Variants in LIMS1 observed in about 807,000 individuals in gnomAD.
LIMS1 encodes the protein LIM and senescent cell antigen-like-containing domain protein 1.
In LIMS1, 18 loss-of-function variants were observed where a neutral mutation model predicts 44.1. The observed-to-expected ratio is 0.41, with a 90% CI of 0.28 to 0.61. The LOEUF is 0.61. Among genes scored for constraint, LIMS1 ranks in the 20% least tolerant of loss-of-function variants. LIMS1 has a pLI of 0.32. For missense variants in LIMS1, 201 were observed against 422.0 expected, an observed-to-expected ratio of 0.48 and a Z score of 4.59; for synonymous variants, 93 against 149.1, an observed-to-expected ratio of 0.62 and a Z score of 2.74.
intron 1 of LIMS1, among the ~76,000 whole-genome samples, chr2:108,647,753 A>G (rs552868559): frequency 1.3e-5 from 2 of 152,368 alleles, no homozygotes; most frequent in East Asian, 1.9e-4. Context: ...GGCCTCGACA[A>G]AATTCAACAG....
chr2:108,606,719 A>G (rs1391746927), intron 1 of LIMS1, among the ~76,000 whole-genome samples: 12 of 152,204 alleles, frequency 7.9e-5, no homozygotes, highest in Non-Finnish European at 5.9e-5. Flanking sequence ...CAGAGGAGAA[A>G]ACAGCTTCCA....
exon 1 of LIMS1, chr2:108,534,418 C>G: frequency 4.3e-6 from 2 of 463,426 alleles, no homozygotes; most frequent in Non-Finnish European, 6.3e-6. Flanking sequence ...CCCTCCCGCG[C>G]CCCCGCGCGG....
chr2:108,587,406 C>G (rs1229820645), intron 1 of LIMS1, among the ~76,000 whole-genome samples: 1 of 150,126 alleles, frequency 6.7e-6, no homozygotes, highest in Non-Finnish European at 1.5e-5. Context: ...CCTATGTTGC[C>G]TAGTCTGGGC....
chr2:108,631,851 C>T (rs1386749642), intron 1 of LIMS1, among the ~76,000 whole-genome samples: 1 of 152,222 alleles, frequency 6.6e-6, no homozygotes, highest in South Asian at 2.1e-4. Context: ...TCTGTAAGTT[C>T]CCTCAGTAAA....
At chr2:108,564,825 TAA>T (rs925199168) in intron 1 of LIMS1, among the ~76,000 whole-genome samples, 5 of 141,552 alleles carry the variant, frequency 3.5e-5, no homozygotes, top group African/African-American at 5.2e-5. Flanking sequence ...GACAACACTG[TAA>T]AAAAAAAAAA....
At chr2:108,583,290 G>A (rs1049429983) in intron 1 of LIMS1, among the ~76,000 whole-genome samples, 1 of 151,648 alleles carries the variant, frequency 6.6e-6, no homozygotes, top group African/African-American at 2.4e-5. Context: ...TGATCTGCCC[G>A]CCTAGGCCTC....
intron 1 of LIMS1, chr2:108,621,323 A>G (rs879145194): frequency 3.2e-6 from 5 of 1,549,772 alleles, no homozygotes; most frequent in South Asian, 2.4e-5. Context: ...TAAATGCTTT[A>G]AAGTGTCAGC....
chr2:108,581,303 C>T (rs1203551194), intron 1 of LIMS1, among the ~76,000 whole-genome samples: 1 of 152,172 alleles, frequency 6.6e-6, no homozygotes, highest in Non-Finnish European at 1.5e-5. Flanking sequence ...TGCCAACTAA[C>T]ATATGACTAA....
At chr2:108,558,837 ATTTTTTTG>A (rs1196203384) in intron 1 of LIMS1, among the ~76,000 whole-genome samples, 1 of 151,642 alleles carries the variant, frequency 6.6e-6, no homozygotes, top group Non-Finnish European at 1.5e-5. Context: ...CACCTGGCTA[ATTTTTTTG>A]TTTTTGGTAG....
At chr2:108,610,766 G>A (rs1687555478) in intron 1 of LIMS1, among the ~76,000 whole-genome samples, 1 of 152,178 alleles carries the variant, frequency 6.6e-6, no homozygotes, top group Non-Finnish European at 1.5e-5. Context: ...TAATCTGCAG[G>A]AAAACCCCTT....
chr2:108,558,469 A>T (rs1336864018), intron 1 of LIMS1, among the ~76,000 whole-genome samples: 3 of 151,872 alleles, frequency 2.0e-5, no homozygotes, highest in Non-Finnish European at 4.4e-5. Context: ...TCAGCCTCCC[A>T]AAGTGCTGGG....
chr2:108,685,084 T>G (rs1010259459), exon 10 of LIMS1: 1 of 152,176 alleles, frequency 6.6e-6, no homozygotes, highest in Non-Finnish European at 1.5e-5. Flanking sequence ...ATTCTCTTTT[T>G]GGGGAAATCC....
At chr2:108,612,010 A>ATAT (rs879410641) in intron 1 of LIMS1, among the ~76,000 whole-genome samples, 7,776 of 136,546 alleles carry the variant, frequency 0.057, 188 homozygotes, top group South Asian at 0.1. Context: ...ATACACACAT[A>ATAT]TATATATACA....
intron 1 of LIMS1, among the ~76,000 whole-genome samples, chr2:108,587,727 T>C (rs1686178566): frequency 6.6e-6 from 1 of 152,192 alleles, no homozygotes; most frequent in Non-Finnish European, 1.5e-5. Flanking sequence ...ATCCCTTTAT[T>C]CTCCAGTGGA....
chr2:108,655,002 C>G (rs1690754040), intron 1 of LIMS1: 1 of 1,603,306 alleles, frequency 6.2e-7, no homozygotes, highest in African/African-American at 1.3e-5. Context: ...AGCAGGGAGG[C>G]CTGGATATTG....
At chr2:108,667,304 C>G (rs556607140) in intron 2 of LIMS1, among the ~76,000 whole-genome samples, 3 of 152,130 alleles carry the variant, frequency 2.0e-5, no homozygotes, top group African/African-American at 7.2e-5. Context: ...ATGCCATGAG[C>G]TAGAACAAAC....
At chr2:108,548,429 A>G (rs777045763) in intron 1 of LIMS1, among the ~76,000 whole-genome samples, 12 of 152,200 alleles carry the variant, frequency 7.9e-5, no homozygotes, top group Non-Finnish European at 1.5e-4. Flanking sequence ...TCGTAATGGA[A>G]TGTTTTAACC....
chr2:108,650,435 G>A (rs1224986663), intron 1 of LIMS1, among the ~76,000 whole-genome samples: 3 of 142,600 alleles, frequency 2.1e-5, no homozygotes, highest in African/African-American at 2.6e-5. Context: ...TTTTTCTTTC[G>A]AGACGGAGTT....
intron 1 of LIMS1, among the ~76,000 whole-genome samples, chr2:108,619,655 G>T (rs1416280408): frequency 6.6e-6 from 1 of 152,166 alleles, no homozygotes; most frequent in Admixed American, 6.5e-5. Context: ...CTGCACTCTA[G>T]CCTGGGTGAC....
Sources: allele counts gnomAD v4.1 joint callset (sites outside exome capture counted in the v4.1 genomes callset), GRCh38; gene constraint gnomAD v4.1.1; transcripts MANE v1.5; gene names NCBI Gene and HGNC (gene_info 2026-07-23, HGNC 2026-07-21).